The following TESC variants were observed in gnomAD, a reference collection of about 807,000 sequenced individuals.
TESC encodes the protein tescalcin, also known as calcineurin B homologous protein 3.
A neutral mutation model predicts 31.0 loss-of-function variants in TESC; 19 were observed. The ratio of observed to expected loss-of-function variants is 0.61; its 90% CI spans 0.43 to 0.90. The LOEUF (loss-of-function observed/expected upper bound fraction) is 0.90. TESC is among the 40% of genes least tolerant of loss of function. The pLI, the probability that TESC is intolerant of heterozygous loss-of-function variation, is 0.00. For synonymous variants in TESC, 109 were observed against 114.8 expected (o/e 0.95, Z 0.32); for missense variants, 248 against 303.8 (o/e 0.82, Z 1.36).
At chr12:117,059,300 A>G (rs1404824502) in intron 2 of TESC, among the ~76,000 whole-genome samples, 3 of 152,240 alleles carry the variant, frequency 2.0e-5, no homozygotes, top group Non-Finnish European at 4.4e-5. Flanking sequence ...GAGGCACAGC[A>G]GGACCTGGCC....
chr12:117,043,277 T>C (rs918265428), intron 6 of TESC, among the ~76,000 whole-genome samples: 1 of 147,114 alleles, frequency 6.8e-6, no homozygotes, highest in Admixed American at 6.8e-5. Flanking sequence ...CGAGAGGGAG[T>C]CCCTTTAGGG....
At chr12:117,091,667 C>T (rs1383179458) in intron 1 of TESC, among the ~76,000 whole-genome samples, 1 of 152,228 alleles carries the variant, frequency 6.6e-6, no homozygotes, top group African/African-American at 2.4e-5. Flanking sequence ...GGGCGGCACC[C>T]TCCTGCCTCT....
At chr12:117,040,407 G>A (rs1483004728) in intron 7 of TESC, among the ~76,000 whole-genome samples, 6 of 152,234 alleles carry the variant, frequency 3.9e-5, no homozygotes, top group Admixed American at 2.0e-4. Context: ...TCCCTCAGGG[G>A]TACAGGGACA....
chr12:117,061,916 G>A (rs969655812), intron 2 of TESC, among the ~76,000 whole-genome samples: 1 of 152,132 alleles, frequency 6.6e-6, no homozygotes, highest in African/African-American at 2.4e-5. Context: ...TATGTAAAAT[G>A]GGGATCATAG....
chr12:117,048,872 G>T, intron 4 of TESC, 147 bp downstream of exon 4: 2 of 1,261,126 alleles, frequency 1.6e-6, no homozygotes, highest in Non-Finnish European at 1.1e-6. Flanking sequence ...CAGCCTCACA[G>T]GGACGAGGGC....
intron 3 of TESC, among the ~76,000 whole-genome samples, chr12:117,054,345 G>A (rs193214743): frequency 7.7e-4 from 117 of 151,712 alleles, no homozygotes; most frequent in African/African-American, 2.7e-3. Context: ...GTCCGTCAGC[G>A]TCCCCCATCT....
intron 6 of TESC, among the ~76,000 whole-genome samples, chr12:117,044,696 G>A (rs142963908): frequency 0.01 from 1,535 of 152,302 alleles, 20 homozygotes; most frequent in African/African-American, 0.035. Flanking sequence ...TCAGGAGTTC[G>A]AGACCAGCTG....
chr12:117,061,841 C>G (rs1486048680), intron 2 of TESC, among the ~76,000 whole-genome samples: 2 of 152,166 alleles, frequency 1.3e-5, no homozygotes, highest in Non-Finnish European at 2.9e-5. Context: ...CTGGCCCAGG[C>G]TCTGCCCCTT....
intron 3 of TESC, among the ~76,000 whole-genome samples, chr12:117,053,481 T>G (rs1370437438): frequency 6.6e-6 from 1 of 152,136 alleles, no homozygotes; most frequent in Non-Finnish European, 1.5e-5. Context: ...GGAATCCCAG[T>G]TCCTACAAGT....
chr12:117,082,888 G>A (rs1379742195), intron 1 of TESC, among the ~76,000 whole-genome samples: 1 of 151,958 alleles, frequency 6.6e-6, no homozygotes, highest in South Asian at 2.1e-4. Flanking sequence ...TTGTATTTGG[G>A]TTAAAATTTT....
chr12:117,090,534 G>A (rs1181618395), intron 1 of TESC, among the ~76,000 whole-genome samples: 1 of 152,168 alleles, frequency 6.6e-6, no homozygotes, highest in Non-Finnish European at 1.5e-5. Context: ...CTTAATCCTC[G>A]CAACATTCAG....
intron 1 of TESC, among the ~76,000 whole-genome samples, chr12:117,077,211 C>T (rs1593016848): frequency 6.6e-6 from 1 of 152,328 alleles, no homozygotes; most frequent in South Asian, 2.1e-4. Flanking sequence ...TTCCTGTGGG[C>T]ATGGCTCCAA....
chr12:117,097,482 T>C (rs1593032248), intron 1 of TESC, among the ~76,000 whole-genome samples: 1 of 152,014 alleles, frequency 6.6e-6, no homozygotes, highest in Non-Finnish European at 1.5e-5. Flanking sequence ...CCAACGGGGA[T>C]CCCAGCCACA....
At chr12:117,061,670 T>C (rs1404474672) in intron 2 of TESC, among the ~76,000 whole-genome samples, 2 of 151,806 alleles carry the variant, frequency 1.3e-5, no homozygotes, top group East Asian at 1.9e-4. Flanking sequence ...TCTCTCTCCA[T>C]AGGCACCTGC....
intron 3 of TESC, chr12:117,053,999 C>A (rs997193678): frequency 6.6e-6 from 1 of 152,246 alleles, no homozygotes; most frequent in Admixed American, 6.5e-5. Context: ...GTCTTTGCCA[C>A]TGACTGTGCA....
At chr12:117,094,132 G>A (rs543046901) in intron 1 of TESC, among the ~76,000 whole-genome samples, 3 of 152,306 alleles carry the variant, frequency 2.0e-5, no homozygotes, top group African/African-American at 7.2e-5. Context: ...GGACGCCTTC[G>A]CTCGGGCTTT....
intron 1 of TESC, among the ~76,000 whole-genome samples, chr12:117,075,881 A>G (rs1364022866): frequency 0.011 from 147 of 13,472 alleles, 7 homozygotes; most frequent in African/African-American, 0.051. Flanking sequence ...GTGTGTATAT[A>G]TATATATATA....
Position 117,099,407 on chromosome 12 carries a change from C to G in TESC, c.-125G>C. On this transcript the variant is annotated 5_prime_UTR_variant, in exon 1 of 8. Coordinates refer to ENST00000335209, the MANE Select transcript of TESC (RefSeq NM_017899.4). ...CGGGACGCCGGCGAAGGCTCGGAGC[C>G]GCGGGTTCCGCGTGGGGCCGGAGCG... 1.0e-6 allele frequency: 1 copy of G among 961,038 alleles called. No homozygotes were observed. The highest frequency in any genetic ancestry group is 3.5e-5 in the South Asian group (1 of 28,876). 59.5% of individuals were successfully genotyped at this position (961,038 alleles called of 1,614,324 possible).
In TESC at chr12:117,040,668, G is replaced by C. The variant is rs57307393; in HGVS notation, c.567+1279C>G. ...CAAGTGCAAATTCTGCCTTTTCCCA[G>C]TCTGCCCGCCCTGCCAGCCCCGGGG... is the stretch of plus-strand genomic sequence containing the variant. On this transcript the variant is annotated intron_variant, in intron 7 of 7. Transcript: ENST00000335209. Among the ~76,000 whole-genome samples, 754 of 152,234 alleles carry C rather than the reference G, an allele frequency of 5.0e-3. 7 individuals are homozygous for C. The highest frequency in any genetic ancestry group is 0.017 in the African/African-American group (726 of 41,550).
Sources: gnomAD v4.1 joint callset for allele counts (sites outside exome capture counted in the v4.1 genomes callset) on GRCh38, gnomAD v4.1.1 for gene constraint, MANE v1.5 for transcripts, NCBI Gene and HGNC (gene_info 2026-07-23, HGNC 2026-07-21) for gene names.